Variants in MAP3K5 observed in about 807,000 individuals in gnomAD.
MAP3K5 encodes the protein ASK-1.
In MAP3K5, 56 loss-of-function variants were observed where a neutral mutation model predicts 158.7. The ratio of observed to expected loss-of-function variants is 0.35; its 90% CI spans 0.28 to 0.44. The LOEUF (loss-of-function observed/expected upper bound fraction) is 0.44, where lower values mean the gene tolerates loss of function less well. MAP3K5 is among the 20% of genes least tolerant of loss of function. The probability of loss-of-function intolerance (pLI) is 1.00; values close to 1 mark genes in which losing one functional copy is unlikely to be tolerated. For missense variants in MAP3K5, 1,294 were observed against 1,674.8 expected (o/e 0.77, Z 3.97); for synonymous variants, 579 against 601.7 (o/e 0.96, Z 0.55).
intron 1 of MAP3K5, among the ~76,000 whole-genome samples, chr6:136,735,596 T>C (rs1782422392): frequency 6.6e-6 from 1 of 152,134 alleles, no homozygotes; most frequent in East Asian, 1.9e-4. Context: ...TTTGCGAGGC[T>C]GAGGCAGAGG....
At chr6:136,713,304 C>T (rs568096045) in intron 2 of MAP3K5, among the ~76,000 whole-genome samples, 30 of 152,134 alleles carry the variant, frequency 2.0e-4, no homozygotes, top group South Asian at 4.1e-4. Flanking sequence ...CATTGTGCAT[C>T]GCCTCTTAGA....
intron 1 of MAP3K5, among the ~76,000 whole-genome samples, chr6:136,756,512 A>G (rs1219768342): frequency 1.3e-5 from 2 of 152,120 alleles, no homozygotes; most frequent in Non-Finnish European, 2.9e-5. Context: ...GCAGTGGCGC[A>G]ATCTCGGCTC....
intron 23 of MAP3K5, among the ~76,000 whole-genome samples, chr6:136,585,473 C>CTTTCTTTCTTTCTTTCTTTA (rs562356592): frequency 1.8e-4 from 24 of 135,146 alleles, no homozygotes; most frequent in African/African-American, 5.2e-4. Flanking sequence ...CTTTTCTTTT[C>CTTTCTTTCTTTCTTTCTTTA]TTTATTTATT....
intron 11 of MAP3K5, among the ~76,000 whole-genome samples, chr6:136,646,990 A>G (rs1778291112): frequency 6.6e-6 from 1 of 152,214 alleles, no homozygotes; most frequent in Admixed American, 6.5e-5. Context: ...CAATGCAATC[A>G]AAACTTGAGT....
chr6:136,775,421 C>T (rs1042525095), intron 1 of MAP3K5, among the ~76,000 whole-genome samples: 5 of 152,198 alleles, frequency 3.3e-5, no homozygotes, highest in Admixed American at 6.5e-5. Context: ...ATTAGGCTTT[C>T]GGCACGTAGA....
intron 1 of MAP3K5, among the ~76,000 whole-genome samples, chr6:136,764,814 T>C (rs1480620679): frequency 1.3e-5 from 2 of 152,212 alleles, no homozygotes. Flanking sequence ...AGCTTTCTCA[T>C]GGCAGAGAGA....
intron 25 of MAP3K5, among the ~76,000 whole-genome samples, chr6:136,570,454 ACTCTACAC>A (rs1774311052): frequency 6.6e-6 from 1 of 151,978 alleles, no homozygotes; most frequent in South Asian, 2.1e-4. Flanking sequence ...TGGATGACAA[ACTCTACAC>A]CTCTAGTCCC....
At chr6:136,668,150 T>C (rs760525484) in intron 8 of MAP3K5, among the ~76,000 whole-genome samples, 1 of 152,070 alleles carries the variant, frequency 6.6e-6, no homozygotes, top group Non-Finnish European at 1.5e-5. Flanking sequence ...TGGGAGGCTG[T>C]GGCAGAACTG....
chr6:136,773,861 T>C (rs1784306555), intron 1 of MAP3K5, among the ~76,000 whole-genome samples: 2 of 152,116 alleles, frequency 1.3e-5, no homozygotes, highest in Admixed American at 6.6e-5. Flanking sequence ...TTGGCCAGGC[T>C]GGTCTCAAAC....
At chr6:136,612,619 G>A (rs183473339) in intron 17 of MAP3K5, among the ~76,000 whole-genome samples, 3 of 152,276 alleles carry the variant, frequency 2.0e-5, no homozygotes, top group Non-Finnish European at 4.4e-5. Context: ...AGAATGTAAA[G>A]TTATTATTTT....
chr6:136,648,246 A>C (rs1284892085), intron 11 of MAP3K5, among the ~76,000 whole-genome samples: 1 of 152,254 alleles, frequency 6.6e-6, no homozygotes, highest in Non-Finnish European at 1.5e-5. Flanking sequence ...ATAATGAAAA[A>C]GAATCAAGCT....
chr6:136,717,876 CA>C (rs1423249481), intron 2 of MAP3K5, among the ~76,000 whole-genome samples: 1 of 151,662 alleles, frequency 6.6e-6, no homozygotes, highest in Non-Finnish European at 1.5e-5. Flanking sequence ...AAGAAAACAG[CA>C]AAAGTTTAAG....
In MAP3K5 at chr6:136,698,719, G is replaced by T. The variant is rs775200321; in HGVS notation, c.613-37C>A. On this transcript the variant is annotated intron_variant, in intron 3 of 29. Transcript: ENST00000359015. ...GGAGGCATCGGCAAGTGGGGAGCTG[G>T]CCTGGAGACACGGCACAGATGGAAT... 3.5e-5 allele frequency: 52 copies of T among 1,502,362 alleles called. 2 individuals are homozygous for T. In the South Asian group the frequency reaches 5.7e-4, roughly 16 times the overall value. The allele number at this position is 1,502,362 out of a possible 1,614,324, so 93.1% of individuals were successfully genotyped here. A position where few individuals can be genotyped will look rare whatever the true frequency, so the allele number is the denominator to read the frequency against.
chr6:136,601,621 G>A (rs1359121281), intron 20 of MAP3K5, among the ~76,000 whole-genome samples, 181 bp downstream of exon 20: 2 of 152,328 alleles, frequency 1.3e-5, no homozygotes, highest in Middle Eastern at 3.4e-3. Flanking sequence ...CAGCACTTGT[G>A]AAATTGATGG....
intron 1 of MAP3K5, among the ~76,000 whole-genome samples, chr6:136,769,468 A>T (rs1239862697): frequency 1.3e-5 from 2 of 152,048 alleles, no homozygotes; most frequent in African/African-American, 4.8e-5. Flanking sequence ...AAACCACCAA[A>T]TTGTACACAG....
intron 8 of MAP3K5, among the ~76,000 whole-genome samples, chr6:136,666,980 T>C (rs1583380242): frequency 1.3e-5 from 2 of 152,328 alleles, no homozygotes; most frequent in East Asian, 3.8e-4. Flanking sequence ...AAAATTAACA[T>C]GTTTCTTTTA....
chr6:136,777,421 T>C (rs574984936), intron 1 of MAP3K5, among the ~76,000 whole-genome samples: 111 of 152,296 alleles, frequency 7.3e-4, no homozygotes, highest in Non-Finnish European at 1.2e-3. Flanking sequence ...AGTGGTGCAA[T>C]TGCAGCTCAC....
chr6:136,566,693 A>G (rs751639334), intron 26 of MAP3K5, among the ~76,000 whole-genome samples: 16 of 152,264 alleles, frequency 1.1e-4, no homozygotes, highest in Non-Finnish European at 2.9e-5. Flanking sequence ...TGCTCTATGC[A>G]CATCATAGAA....
chr6:136,691,389 T>A (rs1295131532), intron 7 of MAP3K5, among the ~76,000 whole-genome samples: 1 of 152,152 alleles, frequency 6.6e-6, no homozygotes, highest in Non-Finnish European at 1.5e-5. Context: ...GGCAGGTGGA[T>A]CACTTGAGGT....
Sources: allele counts gnomAD v4.1 joint callset (sites outside exome capture counted in the v4.1 genomes callset), GRCh38; gene constraint gnomAD v4.1.1; transcripts MANE v1.5; gene names NCBI Gene and HGNC (gene_info 2026-07-23, HGNC 2026-07-21).